Variants in SCAPER observed in about 807,000 individuals in gnomAD.
SCAPER encodes S-phase cyclin A associated protein in the ER, also known as S phase cyclin A-associated protein in the endoplasmic reticulum.
Under a neutral mutation model 182.2 loss-of-function variants are expected in SCAPER, and 98 were observed. The ratio of observed to expected loss-of-function variants is 0.54; its 90% CI spans 0.46 to 0.64. The LOEUF is 0.64. Among genes scored for constraint, SCAPER ranks in the 30% least tolerant of loss-of-function variants. The pLI, the probability that SCAPER is intolerant of heterozygous loss-of-function variation, is 0.00. For missense variants in SCAPER, 1,432 were observed against 1,690.0 expected (o/e 0.85, Z 2.68); for synonymous variants, 605 against 564.6 (o/e 1.07, Z -1.01).
At chr15:76,395,325 C>G (rs548315336) in intron 27 of SCAPER, among the ~76,000 whole-genome samples, 3 of 152,214 alleles carry the variant, frequency 2.0e-5, no homozygotes, top group African/African-American at 4.8e-5. Context: ...GTGGATATCT[C>G]TTTGATATAC....
At chr15:76,513,253 C>T (rs1300216331) in intron 23 of SCAPER, among the ~76,000 whole-genome samples, 1 of 152,074 alleles carries the variant, frequency 6.6e-6, no homozygotes, top group African/African-American at 2.4e-5. Flanking sequence ...TTATTTCAGA[C>T]AGTAAAAATG....
At chr15:76,640,495 T>C (rs2054013219) in intron 21 of SCAPER, among the ~76,000 whole-genome samples, 1 of 152,242 alleles carries the variant, frequency 6.6e-6, no homozygotes, top group African/African-American at 2.4e-5. Flanking sequence ...TACCTGGTGC[T>C]GAAGTTTTAG....
rs35678906 is a variant in SCAPER at position 76,826,569 on chromosome 15, TAAA to T, written c.393+15162_393+15164del. The stretch of plus-strand genomic sequence containing the variant: ...CTAAAACTTTAAGTATAATAATAAT[TAAA>T]AAAAAAAAAAAACGGAATTATCTCA... On this transcript the variant is annotated intron_variant, in intron 5 of 31. Transcript: ENST00000563290. Among the ~76,000 whole-genome samples the T allele has an allele frequency of 8.8e-3, 1,272 of 144,106 alleles. 11 individuals are homozygous for T. The highest frequency in any genetic ancestry group is 0.013 in the African/African-American group (494 of 38,974). 94.5% of individuals were successfully genotyped at this position (144,106 alleles called of 152,430 possible).
chr15:76,611,384 G>C (rs2050972267), intron 22 of SCAPER, among the ~76,000 whole-genome samples: 1 of 152,064 alleles, frequency 6.6e-6, no homozygotes, highest in Non-Finnish European at 1.5e-5. Flanking sequence ...AAACAAGAAA[G>C]AAACGGAATC....
At chr15:76,901,215 G>T (rs1356656989) in intron 1 of SCAPER, among the ~76,000 whole-genome samples, 1 of 152,166 alleles carries the variant, frequency 6.6e-6, no homozygotes, top group Non-Finnish European at 1.5e-5. Context: ...GGGGGACAGA[G>T]CAAGACGCCG....
At position 76,728,746 on chromosome 15, in the gene SCAPER, A is replaced by G. The variant is rs1368520098; in HGVS notation, c.2023-9T>C. 1.2e-6 allele frequency: 2 copies of G among 1,602,852 alleles called. No homozygotes were observed. The highest frequency in any genetic ancestry group is 1.7e-6 in the Non-Finnish European group (2 of 1,176,430). ...AGAGCTCTCTTGCGTTCCTAATGTT[A>G]GAAATATTTGTTTCCAATATTAGAA... On this transcript the variant is annotated splice_polypyrimidine_tract_variant and intron_variant, in intron 16 of 31. Coordinates refer to ENST00000563290, the MANE Select transcript of SCAPER (RefSeq NM_020843.4).
intron 14 of SCAPER, among the ~76,000 whole-genome samples, chr15:76,760,267 C>T (rs968879030): frequency 6.6e-6 from 1 of 152,180 alleles, no homozygotes; most frequent in Non-Finnish European, 1.5e-5. Context: ...AATTGGGGTT[C>T]TCACAACTGT....
chr15:76,354,286 A>C lies in SCAPER; in HGVS notation c.3856-146T>G. 1.7e-6 allele frequency: 1 copy of C among 582,810 alleles called. No individual in the cohort carries two copies. Among genetic ancestry groups the C allele is most frequent in the Non-Finnish European group, 2.8e-6 (1 of 363,216 alleles). The allele number at this position is 582,810 out of a possible 1,614,324, so 36.1% of individuals were successfully genotyped here. A position where few individuals can be genotyped will look rare whatever the true frequency, so the allele number is the denominator to read the frequency against. The stretch of plus-strand genomic sequence containing the variant: ...CTGACTCCGTACCAGAGCTTAATTT[A>C]AGTGATACTTGAAAAGAGCAGAAAA... On this transcript the variant is annotated intron_variant, in intron 29 of 31. Transcript: ENST00000563290. This position sits in a 1 kb window ranked among gnomAD's most constrained non-coding sequence, Gnocchi z 4.4.
chr15:76,760,955 T>C (rs1598569983), intron 14 of SCAPER, among the ~76,000 whole-genome samples: 1 of 152,218 alleles, frequency 6.6e-6, no homozygotes, highest in South Asian at 2.1e-4. Context: ...CTTTATATGT[T>C]TCATAGAATT....
intron 25 of SCAPER, among the ~76,000 whole-genome samples, chr15:76,441,621 T>C (rs2047607557): frequency 6.6e-6 from 1 of 152,198 alleles, no homozygotes; most frequent in African/African-American, 2.4e-5. Context: ...CTGGAATATC[T>C]TTCCCCCAGG....
chr15:76,450,699 A>G (rs912508709), intron 25 of SCAPER, among the ~76,000 whole-genome samples: 1 of 152,176 alleles, frequency 6.6e-6, no homozygotes, highest in African/African-American at 2.4e-5. Flanking sequence ...GATTACAGGC[A>G]TGTGCCACCA....
At position 76,354,734 on chromosome 15, in the gene SCAPER, A is replaced by G. The variant is rs1393283245; in HGVS notation, c.3856-594T>C. 1.3e-5 allele frequency: 2 copies of G among 152,270 alleles called. No homozygotes were observed. Among genetic ancestry groups the G allele is most frequent in the African/African-American group, 4.8e-5 (2 of 41,468 alleles). The allele number at this position is 152,270 out of a possible 1,614,324, so 9.4% of individuals were successfully genotyped here. A position where few individuals can be genotyped will look rare whatever the true frequency, so the allele number is the denominator to read the frequency against. On this transcript the variant is annotated intron_variant, in intron 29 of 31. Transcript: ENST00000563290. The surrounding 1 kb of genome is among the most constrained non-coding windows in gnomAD (Gnocchi z 4.4). ...ATCTTTGTTTCCATCAGTGCCACTG[A>G]GTCTAAAAGGAGAACTGTTTAGATA... is the stretch of plus-strand genomic sequence containing the variant.
intron 17 of SCAPER, among the ~76,000 whole-genome samples, chr15:76,718,691 A>T (rs1249108210): frequency 3.9e-5 from 6 of 151,938 alleles, no homozygotes; most frequent in African/African-American, 7.2e-5. Flanking sequence ...ATATATATTT[A>T]AAAAAACCTC....
At chr15:76,700,693 A>G (rs1304010733) in intron 20 of SCAPER, among the ~76,000 whole-genome samples, 1 of 151,998 alleles carries the variant, frequency 6.6e-6, no homozygotes, top group Non-Finnish European at 1.5e-5. Flanking sequence ...CCTTCTTTTA[A>G]CAAGTCATTA....
At chr15:76,607,084 G>A (rs887829156) in intron 22 of SCAPER, among the ~76,000 whole-genome samples, 22 of 152,116 alleles carry the variant, frequency 1.4e-4, no homozygotes, top group Admixed American at 3.3e-4. Flanking sequence ...TATTTTGCTC[G>A]TTAGTTGATG....
At chr15:76,879,914 T>C (rs1022327908) in intron 2 of SCAPER, among the ~76,000 whole-genome samples, 5 of 152,312 alleles carry the variant, frequency 3.3e-5, no homozygotes, top group African/African-American at 1.2e-4. Flanking sequence ...AGACAGTAAG[T>C]TTCTGAAGGA....
intron 8 of SCAPER, among the ~76,000 whole-genome samples, chr15:76,775,912 T>C (rs1032951255): frequency 2.0e-5 from 3 of 152,210 alleles, no homozygotes; most frequent in African/African-American, 7.2e-5. Flanking sequence ...ATAGTGGTGC[T>C]TATAGCCCCA....
intron 26 of SCAPER, among the ~76,000 whole-genome samples, chr15:76,421,861 C>A (rs1408541712): frequency 6.6e-6 from 1 of 152,140 alleles, no homozygotes; most frequent in African/African-American, 2.4e-5. Context: ...TTTCCCAGCA[C>A]CATTTATTAA....
At chr15:76,885,733 C>T (rs2073804583) in intron 1 of SCAPER, among the ~76,000 whole-genome samples, 2 of 152,206 alleles carry the variant, frequency 1.3e-5, no homozygotes, top group South Asian at 2.1e-4. Flanking sequence ...AATCCACCCA[C>T]CTCAGCCTCC....
Sources: gnomAD v4.1 joint callset for allele counts (sites outside exome capture counted in the v4.1 genomes callset) on GRCh38, gnomAD v4.1.1 for gene constraint, Gnocchi (gnomAD v3.1) non-coding constraint, MANE v1.5 for transcripts, NCBI Gene and HGNC (gene_info 2026-07-23, HGNC 2026-07-21) for gene names.